The following CACNA1I variants were observed in gnomAD, a reference collection of about 807,000 sequenced individuals.
The protein encoded by CACNA1I is calcium voltage-gated channel subunit alpha1 I, also known as voltage-dependent T-type calcium channel subunit alpha-1I.
In CACNA1I, 74 loss-of-function variants were observed where a neutral mutation model predicts 201.6. The observed-to-expected ratio is 0.37, with a 90% CI of 0.30 to 0.45. The LOEUF (loss-of-function observed/expected upper bound fraction) is 0.45. Among genes scored for constraint, CACNA1I ranks in the 20% least tolerant of loss-of-function variants. CACNA1I has a pLI of 1.00. For missense variants in CACNA1I, 2,346 were observed against 3,138.1 expected (o/e 0.75, Z 6.03); for synonymous variants, 1,431 against 1,345.2 (o/e 1.06, Z -1.40).
rs528917585 is a variant in CACNA1I at position 39,639,174 on chromosome 22, A to G, written c.741-1693A>G. On this transcript the variant is annotated intron_variant, in intron 5 of 36. Coordinates refer to ENST00000402142, the MANE Select transcript of CACNA1I (RefSeq NM_021096.4). Reference sequence around the variant, plus strand: ...TTATCTATTTCCTATAACTGTTTGCAGATTACAATGGCAAAGTTGAGTCAT... The same window carrying G: ...TTATCTATTTCCTATAACTGTTTGCGGATTACAATGGCAAAGTTGAGTCAT... 1.4e-4 allele frequency among the ~76,000 whole-genome samples: 21 copies of G among 152,384 alleles called. No individual in the cohort carries two copies. The South Asian group carries it at 3.9e-3, about 29-fold the overall frequency.
chr22:39,596,452 C>CAGGGCGGAGGGAGATG, intron 1 of CACNA1I, among the ~76,000 whole-genome samples: 1 of 4,406 alleles, frequency 2.3e-4, no homozygotes, highest in African/African-American at 8.9e-4. Flanking sequence ...GGAGGGAGAT[C>CAGGGCGGAGGGAGATG]GGGGGGCAGG....
chr22:39,587,930 C>A (rs895654189), intron 1 of CACNA1I, among the ~76,000 whole-genome samples: 1 of 151,870 alleles, frequency 6.6e-6, no homozygotes, highest in African/African-American at 2.4e-5. Context: ...CATGTGCCAC[C>A]ATGCCTGGAT....
chr22:39,640,942 G>T lies in CACNA1I; in HGVS notation c.816G>T (p.Ser272=), dbSNP rs192152982. The stretch of plus-strand genomic sequence containing the variant: ...AGATGCCCTTCATCTGCTCCCTGTC[G>T]GGCGACAATGGGATAATGGGCTGCC... The part of the protein sequence containing the change: ...DDEMPFICSL[S]GDNGIMGCHE... The change falls in exon 6 of 37, where the codon TCG becomes TCT. Residue 272 remains serine (S), a synonymous_variant. Transcript: ENST00000402142. 6.2e-7 allele frequency: 1 copy of T among 1,613,782 alleles called. No homozygotes were observed. The highest frequency in any genetic ancestry group is 1.7e-5 in the Admixed American group (1 of 59,990).
chr22:39,654,915 A>C (rs1934766196), intron 10 of CACNA1I, among the ~76,000 whole-genome samples: 1 of 152,148 alleles, frequency 6.6e-6, no homozygotes. Context: ...CCTTAGGGCA[A>C]TGGGGAGCCC....
chr22:39,662,394 G>C lies in CACNA1I; in HGVS notation c.3331G>C (p.Asp1111His). ...IAKDVFTKMGDRGDRGEDEEE... is the reference protein window; with the variant it reads ...IAKDVFTKMGHRGDRGEDEEE... ...CAAAGACGTCTTCACCAAGATGGGC[G>C]ACCGCGGGGATCGCGGGGAGGATGA... Residue 1111 changes from aspartate to histidine, a missense_variant, in exon 17 of 37, where the codon GAC becomes CAC. By Grantham distance (81) the Asp-to-His change is moderately conservative (BLOSUM62 -1). This residue lies in a region of CACNA1I where 288 missense variants were observed against 255.2 expected (regional missense o/e 1.13). Coordinates refer to ENST00000402142, the MANE Select transcript of CACNA1I (RefSeq NM_021096.4). 6.8e-7 allele frequency: 1 copy of C among 1,471,658 alleles called. No homozygotes were observed. Among genetic ancestry groups the C allele is most frequent in the Non-Finnish European group, 8.9e-7 (1 of 1,120,406 alleles). 91.2% of individuals were successfully genotyped at this position (1,471,658 alleles called of 1,614,324 possible).
chr22:39,681,131 T>C (rs915987076), intron 34 of CACNA1I, 79 bp downstream of exon 34: 9 of 1,483,378 alleles, frequency 6.1e-6, no homozygotes, highest in East Asian at 4.7e-5. Context: ...AGGACCCCCC[T>C]GTCTTTCCAG....
chr22:39,671,465 T>TTC (rs1935375002), intron 26 of CACNA1I, among the ~76,000 whole-genome samples: 10 of 151,834 alleles, frequency 6.6e-5, no homozygotes, highest in Non-Finnish European at 1.2e-4. Flanking sequence ...ACTACCTGGG[T>TTC]ATATGGAGAC....
chr22:39,588,853 AT>A (rs984627216), intron 1 of CACNA1I, among the ~76,000 whole-genome samples: 28 of 152,026 alleles, frequency 1.8e-4, no homozygotes, highest in African/African-American at 6.8e-4. Context: ...TCTTAACTTC[AT>A]GTAATTGGAG....
chr22:39,638,667 T>C (rs1421987537), intron 5 of CACNA1I, among the ~76,000 whole-genome samples: 1 of 152,182 alleles, frequency 6.6e-6, no homozygotes, highest in African/African-American at 2.4e-5. Context: ...TTGTCTTTTT[T>C]TTCCCCCTAG....
chr22:39,666,210 A>T lies in CACNA1I; in HGVS notation c.4104+204A>T, dbSNP rs542693811. Among the ~76,000 whole-genome samples the T allele has an allele frequency of 6.6e-5, 10 of 152,282 alleles. No individual in the cohort carries two copies. In the South Asian group the frequency reaches 2.1e-3, roughly 32 times the overall value. On this transcript the variant is annotated intron_variant, in intron 23 of 36. Coordinates refer to ENST00000402142, the MANE Select transcript of CACNA1I (RefSeq NM_021096.4). The surrounding 1 kb of genome is among the most constrained non-coding windows in gnomAD (Gnocchi z 4.1). ...TGAGGCTTAGAGAGTCTGTGTGCAG[A>T]GTGCCCAGCAAATGCCTGCACTTAG...
At chr22:39,642,078 CCGCTGCCCTG>C (rs1389098330) in intron 6 of CACNA1I, among the ~76,000 whole-genome samples, 1 of 152,134 alleles carries the variant, frequency 6.6e-6, no homozygotes, top group Non-Finnish European at 1.5e-5. Flanking sequence ...TCTGCTGCCT[CCGCTGCCCTG>C]CGCTGCCTCT....
rs1440350473 is a variant in CACNA1I at position 39,686,686 on chromosome 22, A to ATATATATT, written c.*285_*292dup. The ATATATATT allele has an allele frequency of 1.3e-5, 2 of 148,544 alleles. No homozygotes were observed. Among genetic ancestry groups the ATATATATT allele is most frequent in the African/African-American group, 4.9e-5 (2 of 40,856 alleles). 9.2% of individuals were successfully genotyped at this position (148,544 alleles called of 1,614,324 possible). A position where few individuals can be genotyped will look rare whatever the true frequency, so the allele number is the denominator to read the frequency against. ...CACACACACATAGACAGACATATAT[A>ATATATATT]TATATATTTATTTTTTTTACTGAGA... On this transcript the variant is annotated 3_prime_UTR_variant, in exon 37 of 37. Transcript: ENST00000402142.
chr22:39,589,094 G>A (rs995714208), intron 1 of CACNA1I, among the ~76,000 whole-genome samples: 1 of 152,154 alleles, frequency 6.6e-6, no homozygotes, highest in Non-Finnish European at 1.5e-5. Context: ...ACTAGATGCC[G>A]GTGTCCTATC....
At position 39,685,866 on chromosome 22, in the gene CACNA1I, G is replaced by A; in HGVS notation, c.6133G>A (p.Ala2045Thr). ...GACCCTGAGCGACAGCCCCCGGCGT[G>A]CCCTGGGGCCGCCCGCGCCTGCTCC... ...SLTLSDSPRR[A>T]LGPPAPAPGP... The change falls in exon 37 of 37, where the codon GCC becomes ACC. Residue 2045 changes from alanine (A) to threonine (T), a missense_variant. By Grantham distance (58) the Ala-to-Thr change is moderately conservative. Around this residue, in one of 13 missense-constraint regions of CACNA1I, gnomAD observed 441 missense variants for 555.6 expected, o/e 0.79. Coordinates refer to ENST00000402142, the MANE Select transcript of CACNA1I (RefSeq NM_021096.4). The surrounding 1 kb of genome is among the most constrained non-coding windows in gnomAD (Gnocchi z 5.0). The A allele has an allele frequency of 6.8e-7, 1 of 1,467,748 alleles. No homozygotes were observed. The highest frequency in any genetic ancestry group is 8.9e-7 in the Non-Finnish European group (1 of 1,118,174). 90.9% of individuals were successfully genotyped at this position (1,467,748 alleles called of 1,614,324 possible). A position where few individuals can be genotyped will look rare whatever the true frequency, so the allele number is the denominator to read the frequency against.
chr22:39,640,512 C>T lies in CACNA1I; in HGVS notation c.741-355C>T, dbSNP rs1297594518. Among the ~76,000 whole-genome samples, 4 of 152,298 alleles carry T rather than the reference C, an allele frequency of 2.6e-5. No homozygotes were observed. In the East Asian group the frequency reaches 7.7e-4, roughly 29 times the overall value. Reference sequence around the variant, plus strand: ...TCTGCTAGATCGGTAAAAGCCAGTGCTTGTTTACTGACCACCTGCTCTGTC... The same window carrying T: ...TCTGCTAGATCGGTAAAAGCCAGTGTTTGTTTACTGACCACCTGCTCTGTC... On this transcript the variant is annotated intron_variant, in intron 5 of 36. Transcript: ENST00000402142.
intron 3 of CACNA1I, among the ~76,000 whole-genome samples, chr22:39,607,741 C>T (rs1051829683): frequency 1.3e-5 from 2 of 152,242 alleles, no homozygotes; most frequent in Admixed American, 1.3e-4. Context: ...ATAATCCCAG[C>T]ACTTTGGGAG....
Position 39,649,846 on chromosome 22 carries a change from A to G in CACNA1I, c.1913A>G (p.Asp638Gly). The stretch of plus-strand genomic sequence containing the variant: ...CGAGCCAAGCTGCGCGGCATCGTGG[A>G]CAGCAAGTACTTCAACCGGGGCATC... ...ETRAKLRGIVDSKYFNRGIMM... is the reference protein window; with the variant it reads ...ETRAKLRGIVGSKYFNRGIMM... The change falls in exon 10 of 37, where the codon GAC becomes GGC. Residue 638 changes from aspartate (D) to glycine (G), a missense_variant. Coordinates refer to ENST00000402142, the MANE Select transcript of CACNA1I (RefSeq NM_021096.4). This position sits in a 1 kb window ranked among gnomAD's most constrained non-coding sequence, Gnocchi z 7.3. 6.2e-7 allele frequency: 1 copy of G among 1,613,608 alleles called. No individual in the cohort carries two copies. The highest frequency in any genetic ancestry group is 8.5e-7 in the Non-Finnish European group (1 of 1,179,742).
At chr22:39,640,723 G>T in intron 5 of CACNA1I, 144 bp from the exon 6 acceptor site, 1 of 688,078 alleles carries the variant, frequency 1.5e-6, no homozygotes, top group Non-Finnish European at 2.5e-6. Flanking sequence ...GGGGAAGGGT[G>T]ACCAAGGCAG....
At chr22:39,619,969 A>G (rs1933679389) in intron 4 of CACNA1I, among the ~76,000 whole-genome samples, 1 of 151,568 alleles carries the variant, frequency 6.6e-6, no homozygotes, top group Non-Finnish European at 1.5e-5. Context: ...CCGTCCATCC[A>G]TCCATCCATC....
Sources: gnomAD v4.1 joint callset for allele counts (sites outside exome capture counted in the v4.1 genomes callset) on GRCh38, gnomAD v4.1.1 for gene constraint, gnomAD v4.1.1 regional missense constraint, Gnocchi (gnomAD v3.1) non-coding constraint, MANE v1.5 for transcripts, NCBI Gene and HGNC (gene_info 2026-07-23, HGNC 2026-07-21) for gene names.